MAPKAP1: variants seen among roughly 807,000 people sequenced by gnomAD.
MAPKAP1 encodes target of rapamycin complex 2 subunit MAPKAP1.
Under a neutral mutation model 65.7 loss-of-function variants are expected in MAPKAP1, and 20 were observed. That is an observed-to-expected ratio of 0.30 (90% confidence interval 0.21 to 0.44). The LOEUF is 0.44. Ranked by LOEUF, MAPKAP1 falls within the 20% of genes least tolerant of loss-of-function variation. MAPKAP1 has a pLI of 1.00. For synonymous variants in MAPKAP1, 222 were observed against 244.3 expected, an observed-to-expected ratio of 0.91 and a Z score of 0.85; for missense variants, 423 against 648.0, an observed-to-expected ratio of 0.65 and a Z score of 3.77.
intron 4 of MAPKAP1, among the ~76,000 whole-genome samples, chr9:125,594,136 T>A (rs1379565050): frequency 6.6e-6 from 1 of 152,230 alleles, no homozygotes; most frequent in Non-Finnish European, 1.5e-5. Context: ...AGCTTTGTCA[T>A]CTGTCAGCGA....
At chr9:125,502,358 C>G (rs925555394) in intron 8 of MAPKAP1, among the ~76,000 whole-genome samples, 1 of 152,122 alleles carries the variant, frequency 6.6e-6, no homozygotes, top group African/African-American at 2.4e-5. Flanking sequence ...GGCTCGGCCT[C>G]CCAAAGTGCT....
chr9:125,683,004 G>A (rs1393101837), intron 1 of MAPKAP1, among the ~76,000 whole-genome samples: 1 of 150,850 alleles, frequency 6.6e-6, no homozygotes, highest in African/African-American at 2.4e-5. Context: ...TGTTGCCCAG[G>A]CTGGAATGCA....
chr9:125,619,048 G>C (rs539605889), intron 4 of MAPKAP1, among the ~76,000 whole-genome samples: 66 of 152,250 alleles, frequency 4.3e-4, no homozygotes, highest in Non-Finnish European at 7.2e-4. Flanking sequence ...TGGGAAGATT[G>C]TTTGAGCCCA....
chr9:125,551,037 T>C (rs1426696798), intron 6 of MAPKAP1, among the ~76,000 whole-genome samples: 4 of 152,160 alleles, frequency 2.6e-5, no homozygotes, highest in African/African-American at 9.7e-5. Context: ...TAAAAGTGAA[T>C]TGCGTATAAG....
chr9:125,601,014 T>C (rs2131610296), intron 4 of MAPKAP1, among the ~76,000 whole-genome samples: 1 of 152,058 alleles, frequency 6.6e-6, no homozygotes, highest in East Asian at 1.9e-4. Flanking sequence ...TAAAAATTGG[T>C]TTTTTTTAAA....
intron 6 of MAPKAP1, among the ~76,000 whole-genome samples, chr9:125,555,289 A>G (rs1830705025): frequency 6.6e-6 from 1 of 152,258 alleles, no homozygotes; most frequent in Non-Finnish European, 1.5e-5. Context: ...AAACTCCCTC[A>G]TGACAATTCC....
rs544885549 is a variant in MAPKAP1, at chr9:125,582,065, T to C, written c.671+3490A>G. On this transcript the variant is annotated intron_variant, in intron 5 of 11. Transcript: ENST00000265960. ...TGTACCTCTTTATCTCTTTGTACTA[T>C]ATCCTAGGTTGAATTCCTCAGTATC... Among the ~76,000 whole-genome samples, 4 of 152,342 alleles carry C rather than the reference T, an allele frequency of 2.6e-5. No individual in the cohort carries two copies. In the East Asian group the frequency reaches 5.8e-4, roughly 22 times the overall value.
At chr9:125,500,481 T>A (rs548649988) in intron 8 of MAPKAP1, among the ~76,000 whole-genome samples, 1 of 152,136 alleles carries the variant, frequency 6.6e-6, no homozygotes, top group East Asian at 1.9e-4. Context: ...GCATGAGCCA[T>A]CACGCCGGCC....
intron 4 of MAPKAP1, among the ~76,000 whole-genome samples, chr9:125,630,737 G>C (rs1833255926): frequency 6.6e-6 from 1 of 152,058 alleles, no homozygotes; most frequent in South Asian, 2.1e-4. Context: ...GTTGGAAATG[G>C]GGCCTAATGG....
intron 4 of MAPKAP1, among the ~76,000 whole-genome samples, chr9:125,605,939 A>G (rs1327707636): frequency 2.0e-5 from 3 of 152,228 alleles, no homozygotes; most frequent in African/African-American, 4.8e-5. Flanking sequence ...TCAGGTATTA[A>G]GCAATTATTT....
At position 125,447,481 on chromosome 9, in the gene MAPKAP1, C is replaced by T. The variant is rs996521099; in HGVS notation, c.1346-2883G>A. On this transcript the variant is annotated intron_variant, in intron 10 of 11. Coordinates refer to ENST00000265960, the MANE Select transcript of MAPKAP1 (RefSeq NM_001006617.3). This position sits in a 1 kb window ranked among gnomAD's most constrained non-coding sequence, Gnocchi z 4.5. ...CTTGCTCTCTGCAAGGAGTGATGAG[C>T]GGAACCCTGGGGGGCAAGGGCAGGT... The T allele has an allele frequency of 1.1e-5, 5 of 456,592 alleles. No homozygotes were observed. Among genetic ancestry groups the T allele is most frequent in the South Asian group, 4.6e-5 (3 of 64,568 alleles). 28.3% of individuals were successfully genotyped at this position (456,592 alleles called of 1,614,324 possible).
rs139234140 is a variant in MAPKAP1 at position 125,533,569 on chromosome 9, G to C, written c.958+9490C>G. ...GGTTCAAGCGATTCTCCCTGCCTCA[G>C]CCTCCTGAGTACCTGGGATTACAGG... On this transcript the variant is annotated intron_variant, in intron 7 of 11. Transcript: ENST00000265960. Among the ~76,000 whole-genome samples the C allele has an allele frequency of 4.2e-3, 644 of 152,118 alleles. 4 individuals carry two copies. Among genetic ancestry groups the C allele is most frequent in the African/African-American group, 0.015 (602 of 41,496 alleles).
At chr9:125,625,525 C>A (rs1254909187) in intron 4 of MAPKAP1, among the ~76,000 whole-genome samples, 1 of 152,134 alleles carries the variant, frequency 6.6e-6, no homozygotes, top group Non-Finnish European at 1.5e-5. Context: ...CTGGGTGTGG[C>A]AGCTCACGCC....
Position 125,506,345 on chromosome 9 carries a change from T to C in MAPKAP1, c.1031A>G (p.Gln344Arg), listed in dbSNP as rs367600280. The change falls in exon 8 of 12, where the codon CAG becomes CGG. Residue 344 changes from glutamine (Q) to arginine (R), a missense_variant. Physicochemically the swap from Gln to Arg is conservative, Grantham distance 43. This residue lies in a region of MAPKAP1 where 185 missense variants were observed against 268.1 expected (regional missense o/e 0.69). Transcript: ENST00000265960. ...AVDLDSTLES[Q>R]SAWEFCLVRE... is the part of the protein sequence containing the mutation. ...GACCAGGCAGAACTCCCATGCGCTCTGGCTCTCCAAAGTGCTGTCCAGGTC... is the reference window on the plus strand; with the variant it reads ...GACCAGGCAGAACTCCCATGCGCTCCGGCTCTCCAAAGTGCTGTCCAGGTC... The C allele has an allele frequency of 6.2e-7, 1 of 1,614,154 alleles. No homozygotes were observed.
At chr9:125,614,350 G>A (rs1203167698) in intron 4 of MAPKAP1, among the ~76,000 whole-genome samples, 4 of 152,162 alleles carry the variant, frequency 2.6e-5, no homozygotes, top group East Asian at 1.9e-4. Flanking sequence ...AAAGCTAGGC[G>A]TGATGGCTCA....
At chr9:125,605,587 C>T (rs1364390741) in intron 4 of MAPKAP1, among the ~76,000 whole-genome samples, 2 of 152,148 alleles carry the variant, frequency 1.3e-5, no homozygotes, top group Non-Finnish European at 2.9e-5. Flanking sequence ...GGAGTGGTAC[C>T]GCACGGCCGC....
At chr9:125,605,006 C>T (rs1036249126) in intron 4 of MAPKAP1, among the ~76,000 whole-genome samples, 1 of 152,184 alleles carries the variant, frequency 6.6e-6, no homozygotes, top group Non-Finnish European at 1.5e-5. Flanking sequence ...AACAAAAATA[C>T]TATTGCATTT....
intron 9 of MAPKAP1, among the ~76,000 whole-genome samples, chr9:125,480,955 G>C (rs1387949886): frequency 2.5e-5 from 3 of 121,922 alleles, no homozygotes; most frequent in Non-Finnish European, 4.8e-5. Flanking sequence ...CTGGGTGACA[G>C]AGCGAGACTC....
rs1852397307 is a variant in MAPKAP1 at position 125,439,308 on chromosome 9, C to T, written c.1444-296G>A. On this transcript the variant is annotated intron_variant, in intron 11 of 11. Coordinates refer to ENST00000265960, the MANE Select transcript of MAPKAP1 (RefSeq NM_001006617.3). This position sits in a 1 kb window ranked among gnomAD's most constrained non-coding sequence, Gnocchi z 4.0. ...CCATGCTCCCTCCTGGCGTGAGCCA[C>T]TCCCGGAAGGCTGTGCCCTGGGCTG... Among the ~76,000 whole-genome samples the T allele has an allele frequency of 6.6e-6, 1 of 152,282 alleles. No homozygotes were observed. The highest frequency in any genetic ancestry group is 2.4e-5 in the African/African-American group (1 of 41,480).
Sources: allele counts gnomAD v4.1 joint callset (sites outside exome capture counted in the v4.1 genomes callset), GRCh38; gene constraint gnomAD v4.1.1; regional missense constraint gnomAD v4.1.1; non-coding constraint Gnocchi (gnomAD v3.1); transcripts MANE v1.5; gene names NCBI Gene and HGNC (gene_info 2026-07-23, HGNC 2026-07-21).